The following MTUS2 variants were observed in gnomAD, a reference collection of about 807,000 sequenced individuals.
MTUS2 encodes the protein microtubule associated scaffold protein 2.
In MTUS2, 40 loss-of-function variants were observed where a neutral mutation model predicts 114.1. The ratio of observed to expected loss-of-function variants is 0.35; its 90% CI spans 0.27 to 0.46. The LOEUF (loss-of-function observed/expected upper bound fraction) is 0.46. MTUS2 is among the 20% of genes least tolerant of loss of function. MTUS2 has a pLI of 1.00. For missense variants in MTUS2, 1,679 were observed against 1,705.4 expected (o/e 0.98, Z 0.27); for synonymous variants, 688 against 672.0 (o/e 1.02, Z -0.37).
chr13:29,354,119 A>G (rs1869532574), intron 7 of MTUS2, among the ~76,000 whole-genome samples: 2 of 152,104 alleles, frequency 1.3e-5, no homozygotes, highest in African/African-American at 4.8e-5. Flanking sequence ...GAAAAGTCAC[A>G]TGGGCAATGA....
chr13:29,500,598 C>T (rs943422109), intron 14 of MTUS2, among the ~76,000 whole-genome samples: 1 of 152,114 alleles, frequency 6.6e-6, no homozygotes, highest in African/African-American at 2.4e-5. Flanking sequence ...ATTTAGATTT[C>T]CTCCCTCCAT....
intron 5 of MTUS2, among the ~76,000 whole-genome samples, chr13:29,244,983 T>TAAAAAAAAAAAAAA (rs1156962360): frequency 2.0e-5 from 2 of 98,594 alleles, no homozygotes; most frequent in Non-Finnish European, 4.2e-5. Flanking sequence ...AAAAAAAAAG[T>TAAAAAAAAAAAAAA]AAAAGTCTGT....
chr13:29,491,904 G>A (rs576510761), intron 11 of MTUS2, among the ~76,000 whole-genome samples: 14 of 144,748 alleles, frequency 9.7e-5, no homozygotes, highest in African/African-American at 3.1e-4. Flanking sequence ...TGCGTGGCGT[G>A]TAGTGTGTGT....
intron 5 of MTUS2, among the ~76,000 whole-genome samples, chr13:29,227,981 A>G (rs747908890): frequency 1.4e-4 from 21 of 152,136 alleles, no homozygotes; most frequent in Non-Finnish European, 2.8e-4. Flanking sequence ...TTTTTCTTAC[A>G]TTTGTGAATT....
At chr13:29,217,433 C>T (rs1272406873) in intron 5 of MTUS2, among the ~76,000 whole-genome samples, 4 of 152,170 alleles carry the variant, frequency 2.6e-5, no homozygotes, top group Non-Finnish European at 5.9e-5. Context: ...GCATATAAAA[C>T]TTATGGTTAC....
At chr13:29,462,594 T>A (rs1259408329) in intron 9 of MTUS2, among the ~76,000 whole-genome samples, 1 of 151,988 alleles carries the variant, frequency 6.6e-6, no homozygotes, top group East Asian at 1.9e-4. Context: ...ATTGCAGTAA[T>A]TTGAAAGTCA....
intron 2 of MTUS2, among the ~76,000 whole-genome samples, chr13:28,963,816 G>A (rs971032243): frequency 3.3e-5 from 5 of 152,140 alleles, no homozygotes; most frequent in Non-Finnish European, 7.4e-5. Flanking sequence ...GGTCACTTCA[G>A]TTGTCATCTT....
intron 9 of MTUS2, among the ~76,000 whole-genome samples, chr13:29,440,657 C>T (rs947287208): frequency 3.9e-5 from 6 of 152,132 alleles, no homozygotes; most frequent in Non-Finnish European, 5.9e-5. Context: ...TCTTCCCTCT[C>T]GACCATCTGT....
chr13:28,828,180 A>T (rs1874403610), intron 1 of MTUS2, among the ~76,000 whole-genome samples: 1 of 152,232 alleles, frequency 6.6e-6, no homozygotes, highest in South Asian at 2.1e-4. Context: ...AAAAGAATTC[A>T]GCGATATTTC....
chr13:29,141,360 G>A (rs1021895852), intron 5 of MTUS2, among the ~76,000 whole-genome samples: 1 of 152,178 alleles, frequency 6.6e-6, no homozygotes, highest in Admixed American at 6.5e-5. Context: ...CTGAAGGTAA[G>A]CCTTAACAGA....
chr13:29,000,817 G>A (rs919128719), intron 2 of MTUS2, among the ~76,000 whole-genome samples: 5 of 151,980 alleles, frequency 3.3e-5, no homozygotes, highest in African/African-American at 4.8e-5. Context: ...TCTCCTTTCC[G>A]TCTGCTGCCA....
At position 29,188,178 on chromosome 13, in the gene MTUS2, C is replaced by T. The variant is rs544991623; in HGVS notation, c.2644+87208C>T. 3.9e-5 allele frequency among the ~76,000 whole-genome samples: 6 copies of T among 152,172 alleles called. No individual in the cohort carries two copies. In the East Asian group the frequency reaches 9.7e-4, roughly 25 times the overall value. On this transcript the variant is annotated intron_variant, in intron 5 of 15. Coordinates refer to ENST00000612955, the MANE Select transcript of MTUS2 (RefSeq NM_001033602.4). ...TTCTGTAGGACTGAAGTTAATGTTG[C>T]GGCAACAAGGAGAAATGGAATAAAC...
At chr13:29,139,881 C>T (rs1051494333) in intron 5 of MTUS2, among the ~76,000 whole-genome samples, 2 of 152,124 alleles carry the variant, frequency 1.3e-5, no homozygotes, top group African/African-American at 4.8e-5. Context: ...AACTATCCTC[C>T]CCTTCCTCTG....
intron 2 of MTUS2, among the ~76,000 whole-genome samples, chr13:28,859,595 G>A (rs373013067): frequency 1.2e-4 from 18 of 152,290 alleles, no homozygotes; most frequent in South Asian, 4.1e-4. Flanking sequence ...ACTCAGTGTC[G>A]TGTAGAGTAG....
chr13:29,439,879 A>G (rs1022472905), intron 8 of MTUS2, 104 bp from the exon 9 acceptor site: 1 of 918,552 alleles, frequency 1.1e-6, no homozygotes, highest in Non-Finnish European at 1.7e-6. Context: ...CTTAAGGACT[A>G]GACTTATAAA....
chr13:28,900,480 T>C (rs1009083996), intron 2 of MTUS2, among the ~76,000 whole-genome samples: 2 of 152,250 alleles, frequency 1.3e-5, no homozygotes, highest in Non-Finnish European at 2.9e-5. Flanking sequence ...TTGCAACTGC[T>C]GATCTGTTCT....
At chr13:29,292,245 T>C (rs1898746767) in intron 6 of MTUS2, among the ~76,000 whole-genome samples, 1 of 152,222 alleles carries the variant, frequency 6.6e-6, no homozygotes, top group Admixed American at 6.5e-5. Context: ...TGATGATGGC[T>C]GAGCTCTTGC....
intron 5 of MTUS2, among the ~76,000 whole-genome samples, chr13:29,161,530 C>T (rs1034379620): frequency 7.9e-5 from 12 of 151,956 alleles, no homozygotes; most frequent in African/African-American, 2.2e-4. Flanking sequence ...TTGAAATTTT[C>T]GACTCTTTTC....
At chr13:28,937,498 G>A (rs548967211) in intron 2 of MTUS2, among the ~76,000 whole-genome samples, 102 of 152,238 alleles carry the variant, frequency 6.7e-4, no homozygotes, top group Non-Finnish European at 1.3e-3. Context: ...ATCTTGTGCT[G>A]CTCAATTTTT....
Sources: allele counts gnomAD v4.1 joint callset (sites outside exome capture counted in the v4.1 genomes callset), GRCh38; gene constraint gnomAD v4.1.1; transcripts MANE v1.5; gene names NCBI Gene and HGNC (gene_info 2026-07-23, HGNC 2026-07-21).